Variants in CADM2 observed in about 807,000 individuals in gnomAD.
The protein encoded by CADM2 is cell adhesion molecule 2.
Under a neutral mutation model 49.8 loss-of-function variants are expected in CADM2, and 12 were observed. The observed-to-expected ratio is 0.24, with a 90% CI of 0.15 to 0.39. CADM2 has a LOEUF of 0.39. CADM2 is among the 10% of genes least tolerant of loss of function. The pLI is 1.00. For missense variants in CADM2, 378 were observed against 492.3 expected (o/e 0.77, Z 2.20); for synonymous variants, 214 against 175.4 (o/e 1.22, Z -1.74).
intron 1 of CADM2, among the ~76,000 whole-genome samples, chr3:85,597,218 ATAAG>A (rs1470805300): frequency 1.3e-5 from 2 of 152,058 alleles, no homozygotes; most frequent in East Asian, 1.9e-4. Context: ...GCTGTATACA[ATAAG>A]TAAGTACACG....
intron 1 of CADM2, among the ~76,000 whole-genome samples, chr3:85,525,814 AT>A (rs367731102): frequency 6.6e-6 from 1 of 152,066 alleles, no homozygotes; most frequent in East Asian, 1.9e-4. Context: ...CTTTTAAAGT[AT>A]TTTAGTAGTT....
intron 1 of CADM2, among the ~76,000 whole-genome samples, chr3:85,618,631 A>G (rs188117157): frequency 6.6e-6 from 1 of 152,232 alleles, no homozygotes; most frequent in African/African-American, 2.4e-5. Flanking sequence ...TTATCTTGAT[A>G]TGTATTTGTG....
intron 2 of CADM2, among the ~76,000 whole-genome samples, chr3:85,749,293 T>C (rs2068761679): frequency 6.6e-6 from 1 of 151,988 alleles, no homozygotes; most frequent in Non-Finnish European, 1.5e-5. Flanking sequence ...CAGATGCTTT[T>C]CTAAACACTT....
intron 8 of CADM2, among the ~76,000 whole-genome samples, chr3:86,043,654 C>A (rs1023797339): frequency 2.0e-5 from 3 of 152,162 alleles, no homozygotes; most frequent in African/African-American, 2.4e-5. Context: ...TTTGTAGATT[C>A]AATGCCATCT....
chr3:85,306,034 C>A (rs559186936), intron 1 of CADM2, among the ~76,000 whole-genome samples: 1 of 151,650 alleles, frequency 6.6e-6, no homozygotes, highest in East Asian at 1.9e-4. Context: ...TAGGTCAAAA[C>A]CTAATAATTT....
chr3:85,531,621 C>G (rs1445608298), intron 1 of CADM2, among the ~76,000 whole-genome samples: 1 of 152,176 alleles, frequency 6.6e-6, no homozygotes, highest in Non-Finnish European at 1.5e-5. Context: ...TTTCCAGCCT[C>G]TGTTTTTTTG....
chr3:85,302,979 C>T (rs938591944), intron 1 of CADM2, among the ~76,000 whole-genome samples: 1 of 152,000 alleles, frequency 6.6e-6, no homozygotes, highest in Admixed American at 6.6e-5. Context: ...ACTTAGATTT[C>T]TAATGCAGTA....
At chr3:85,028,470 A>T (rs1404594004) in intron 1 of CADM2, among the ~76,000 whole-genome samples, 1 of 152,172 alleles carries the variant, frequency 6.6e-6, no homozygotes, top group Non-Finnish European at 1.5e-5. Flanking sequence ...TAGAACTAAG[A>T]AAACTATGAA....
intron 2 of CADM2, among the ~76,000 whole-genome samples, chr3:85,762,083 C>A (rs2325035): frequency 0.23 from 34,445 of 151,950 alleles, 4,534 homozygotes; most frequent in East Asian, 0.48. Flanking sequence ...TTTTTCAAAT[C>A]ACTAGGTCAA....
rs1553722697 is a variant in CADM2 at position 85,431,860 on chromosome 3, C to CATATATAT, written c.62-294657_62-294650dup. Among the ~76,000 whole-genome samples, 465 of 51,866 alleles carry CATATATAT rather than the reference C, an allele frequency of 9.0e-3. 125 individuals are homozygous for CATATATAT. In the Middle Eastern group the frequency reaches 0.14, roughly 16 times the overall value. The allele number at this position is 51,866 out of a possible 152,430, so 34.0% of individuals were successfully genotyped here. A position where few individuals can be genotyped will look rare whatever the true frequency, so the allele number is the denominator to read the frequency against. On this transcript the variant is annotated intron_variant, in intron 1 of 9. Transcript: ENST00000383699. The stretch of plus-strand genomic sequence containing the variant: ...AACACCATGGTCTTATGCTTAATTG[C>CATATATAT]ATATATATATATGCCATGCTCTTTC...
At chr3:85,933,122 T>C (rs1720800946) in intron 6 of CADM2, among the ~76,000 whole-genome samples, 1 of 152,186 alleles carries the variant, frequency 6.6e-6, no homozygotes, top group Non-Finnish European at 1.5e-5. Context: ...AAGCAGATCC[T>C]GGTGGTGACC....
intron 1 of CADM2, among the ~76,000 whole-genome samples, chr3:85,507,529 T>C (rs943269828): frequency 1.2e-4 from 18 of 152,184 alleles, no homozygotes; most frequent in African/African-American, 4.1e-4. Context: ...ATCTTTGTTA[T>C]GAAACATTAT....
Position 85,178,266 on chromosome 3 carries a change from C to T in CADM2, c.61+218598C>T, listed in dbSNP as rs117335772. Among the ~76,000 whole-genome samples, 33 of 151,838 alleles carry T rather than the reference C, an allele frequency of 2.2e-4. No individual in the cohort carries two copies. The East Asian group carries it at 6.4e-3, about 29-fold the overall frequency. ...CCTAGGCAGCCCAAAGAAATATGAT[C>T]TACAGAATATATTTTTTATTTTATT... On this transcript the variant is annotated intron_variant, in intron 1 of 9. Transcript: ENST00000383699.
chr3:85,883,476 A>G (rs1213845184), intron 4 of CADM2, 33 bp downstream of exon 4: 1 of 1,563,646 alleles, frequency 6.4e-7, no homozygotes, highest in Admixed American at 1.8e-5. Flanking sequence ...ATGTAATCAC[A>G]AAACCAGAAT....
intron 1 of CADM2, among the ~76,000 whole-genome samples, chr3:85,156,288 G>A (rs1024045203): frequency 3.0e-4 from 45 of 151,764 alleles, no homozygotes; most frequent in African/African-American, 1.1e-3. Context: ...CTGATAAAGG[G>A]GATATCACCA....
At chr3:85,892,590 G>A (rs758249315) in intron 5 of CADM2, among the ~76,000 whole-genome samples, 20 of 152,138 alleles carry the variant, frequency 1.3e-4, no homozygotes, top group Non-Finnish European at 2.5e-4. Flanking sequence ...CTGCCACCAT[G>A]TAAGATGTGC....
intron 1 of CADM2, among the ~76,000 whole-genome samples, chr3:85,618,533 C>A (rs1449395): frequency 0.2 from 30,406 of 152,066 alleles, 3,526 homozygotes; most frequent in South Asian, 0.28. Context: ...ATTCTCTTAA[C>A]CACCATGGTA....
At chr3:86,042,303 A>G (rs1232804693) in intron 8 of CADM2, among the ~76,000 whole-genome samples, 1 of 152,196 alleles carries the variant, frequency 6.6e-6, no homozygotes, top group Non-Finnish European at 1.5e-5. Flanking sequence ...GGTTTTTTGA[A>G]AAGATCAACA....
intron 2 of CADM2, among the ~76,000 whole-genome samples, chr3:85,735,571 C>G (rs971416140): frequency 6.6e-6 from 1 of 151,974 alleles, no homozygotes; most frequent in Non-Finnish European, 1.5e-5. Context: ...TTTGGTTGCT[C>G]TGGTGAAAAA....
Sources: allele counts gnomAD v4.1 joint callset (sites outside exome capture counted in the v4.1 genomes callset), GRCh38; gene constraint gnomAD v4.1.1; transcripts MANE v1.5; gene names NCBI Gene and HGNC (gene_info 2026-07-23, HGNC 2026-07-21).